Variants in CACNA1I observed in about 807,000 individuals in gnomAD.
The protein encoded by CACNA1I is calcium voltage-gated channel subunit alpha1 I.
In CACNA1I, 74 loss-of-function variants were observed where a neutral mutation model predicts 201.6. The observed-to-expected ratio is 0.37, with a 90% CI of 0.30 to 0.45. CACNA1I has a LOEUF of 0.45. Ranked by LOEUF, CACNA1I falls within the 20% of genes least tolerant of loss-of-function variation. The pLI is 1.00. For missense variants in CACNA1I, 2,346 were observed against 3,138.1 expected, an observed-to-expected ratio of 0.75 and a Z score of 6.03; for synonymous variants, 1,431 against 1,345.2, an observed-to-expected ratio of 1.06 and a Z score of -1.40.
intron 3 of CACNA1I, among the ~76,000 whole-genome samples, chr22:39,602,985 C>T (rs1341574548): frequency 6.6e-6 from 1 of 151,968 alleles, no homozygotes; most frequent in Non-Finnish European, 1.5e-5. Flanking sequence ...GACCCCATCT[C>T]TACAAAAAAT....
Position 39,641,080 on chromosome 22 carries a change from CT to C in CACNA1I, c.955del (p.Trp319GlyfsTer35). 6.2e-7 allele frequency: 1 copy of C among 1,614,050 alleles called. No individual in the cohort carries two copies. Among genetic ancestry groups the C allele is most frequent in the Non-Finnish European group, 8.5e-7 (1 of 1,179,904 alleles). ...TCAATGCCAGCGGCCTCTGTGTCAA[CT>C]GGAACCGTTACTACAATGTGTGCCG... ...DLNASGLCVN[W>X]NRYYNVCRTG... On this transcript the variant is annotated frameshift_variant, in exon 6 of 37. Coordinates refer to ENST00000402142, the MANE Select transcript of CACNA1I (RefSeq NM_021096.4). LOFTEE classifies it high-confidence loss of function.
Position 39,662,294 on chromosome 22 carries a change from C to A in CACNA1I, c.3231C>A (p.His1077Gln). 2 of 1,504,688 alleles carry A rather than the reference C, an allele frequency of 1.3e-6. No individual in the cohort carries two copies. The highest frequency in any genetic ancestry group is 1.8e-6 in the Non-Finnish European group (2 of 1,133,286). The allele number at this position is 1,504,688 out of a possible 1,614,324, so 93.2% of individuals were successfully genotyped here. A position where few individuals can be genotyped will look rare whatever the true frequency, so the allele number is the denominator to read the frequency against. Reference protein sequence around the residue: ...LAELVPAVGAHPRAAWRAAGP... With the variant: ...LAELVPAVGAQPRAAWRAAGP... Reference sequence around the variant, plus strand: ...AGCTGGTGCCCGCGGTGGGCGCCCACCCCCGGGCCGCCTGGAGGGCGGCAG... The same window carrying A: ...AGCTGGTGCCCGCGGTGGGCGCCCAACCCCGGGCCGCCTGGAGGGCGGCAG... The change falls in exon 17 of 37, where the codon CAC (histidine) becomes CAA (glutamine). Residue 1077 changes from histidine to glutamine, a missense_variant. This residue lies in a region of CACNA1I where 288 missense variants were observed against 255.2 expected (regional missense o/e 1.13). Coordinates refer to ENST00000402142, the MANE Select transcript of CACNA1I (RefSeq NM_021096.4).
rs565549342 is a variant in CACNA1I, at chr22:39,639,497, C to T, written c.741-1370C>T. 3.9e-3 allele frequency among the ~76,000 whole-genome samples: 594 copies of T among 152,214 alleles called. 6 individuals are homozygous for T. The highest frequency in any genetic ancestry group is 0.014 in the African/African-American group (574 of 41,514). The stretch of plus-strand genomic sequence containing the variant: ...CATTGCATTTATGCTTTTTAATCCA[C>T]TGGAAGTTTACTGTTTTTAGTTTTA... On this transcript the variant is annotated intron_variant, in intron 5 of 36. Transcript: ENST00000402142.
chr22:39,584,451 G>A (rs1932677730), intron 1 of CACNA1I, among the ~76,000 whole-genome samples: 1 of 152,190 alleles, frequency 6.6e-6, no homozygotes, highest in Non-Finnish European at 1.5e-5. Flanking sequence ...GAGGCCTGGT[G>A]CTCAGCAGTC....
chr22:39,599,491 C>T (rs559482931), intron 2 of CACNA1I, among the ~76,000 whole-genome samples: 1 of 145,244 alleles, frequency 6.9e-6, no homozygotes, highest in Admixed American at 6.8e-5. Flanking sequence ...TAGTGGCGGG[C>T]GCCTGTAGTC....
rs971841313 is a variant in CACNA1I, at chr22:39,640,253, G to A, written c.741-614G>A. Among the ~76,000 whole-genome samples, 60 of 152,178 alleles carry A rather than the reference G, an allele frequency of 3.9e-4. 1 individual carries two copies. Among genetic ancestry groups the A allele is most frequent in the Admixed American group, 3.6e-3 (55 of 15,276 alleles). ...AAAAAACAAAAATTAGCTAGGTATG[G>A]TGGTGTGCACCTATAGTCCTATCTA... On this transcript the variant is annotated intron_variant, in intron 5 of 36. Transcript: ENST00000402142.
chr22:39,666,340 C>T lies in CACNA1I; in HGVS notation c.4104+334C>T, dbSNP rs1260780310. 6.6e-6 allele frequency among the ~76,000 whole-genome samples: 1 copy of T among 152,014 alleles called. No individual in the cohort carries two copies. Among genetic ancestry groups the T allele is most frequent in the African/African-American group, 2.4e-5 (1 of 41,372 alleles). ...CCTGGAGGTGAATCCAGCTCTGCCA[C>T]CTTCTGTAGGTGTGGCCTCCCTGAG... On this transcript the variant is annotated intron_variant, in intron 23 of 36. Coordinates refer to ENST00000402142, the MANE Select transcript of CACNA1I (RefSeq NM_021096.4). The surrounding 1 kb of genome is among the most constrained non-coding windows in gnomAD (Gnocchi z 4.1).
intron 5 of CACNA1I, among the ~76,000 whole-genome samples, chr22:39,637,859 CT>C (rs551014402): frequency 5.1e-4 from 77 of 152,168 alleles, no homozygotes; most frequent in African/African-American, 1.9e-3. Flanking sequence ...TAGGAACTTA[CT>C]TTTTTAAAAA....
In CACNA1I at chr22:39,684,957, T is replaced by C; in HGVS notation, c.6027+459T>C. 3.5e-6 allele frequency: 1 copy of C among 285,868 alleles called. No homozygotes were observed. Among genetic ancestry groups the C allele is most frequent in the Non-Finnish European group, 6.6e-6 (1 of 151,354 alleles). The allele number at this position is 285,868 out of a possible 1,614,324, so 17.7% of individuals were successfully genotyped here. Reference sequence around the variant, plus strand: ...GGGCTGCAGGGTCCCCCGTACTGGATTGGCCAGGGCCACAGCCCTCCTACC... The same window carrying C: ...GGGCTGCAGGGTCCCCCGTACTGGACTGGCCAGGGCCACAGCCCTCCTACC... On this transcript the variant is annotated intron_variant, in intron 36 of 36. Transcript: ENST00000402142. This position sits in a 1 kb window ranked among gnomAD's most constrained non-coding sequence, Gnocchi z 4.6.
At position 39,598,049 on chromosome 22, in the gene CACNA1I, T is replaced by C. The variant is rs1004085779; in HGVS notation, c.237-102T>C. 11 of 685,614 alleles carry C rather than the reference T, an allele frequency of 1.6e-5. No homozygotes were observed. The East Asian group carries it at 2.2e-4, about 14-fold the overall frequency. The allele number at this position is 685,614 out of a possible 1,614,324, so 42.5% of individuals were successfully genotyped here. On this transcript the variant is annotated intron_variant, in intron 1 of 36. Coordinates refer to ENST00000402142, the MANE Select transcript of CACNA1I (RefSeq NM_021096.4). ...AGGGAGAAGAATGAGGAATGGGGTG[T>C]ATGCCTGTGTGTGTGGTGGGTTGCG...
intron 18 of CACNA1I, among the ~76,000 whole-genome samples, chr22:39,663,460 G>A (rs976281679): frequency 6.6e-6 from 1 of 152,170 alleles, no homozygotes; most frequent in African/African-American, 2.4e-5. Flanking sequence ...CCTCCTGACA[G>A]GCTCAGGGAT....
At position 39,648,393 on chromosome 22, in the gene CACNA1I, GCC is replaced by G. The variant is rs199786604; in HGVS notation, c.1567+471_1567+472del. 1.3e-5 allele frequency among the ~76,000 whole-genome samples: 2 copies of G among 152,154 alleles called. No homozygotes were observed. Among genetic ancestry groups the G allele is most frequent in the South Asian group, 2.1e-4 (1 of 4,834 alleles). ...CCAACGGGCTTCCTGCGGCCGCCCA[GCC>G]CCCTCTCCTGGCACTCTTGCCCCCT... On this transcript the variant is annotated intron_variant, in intron 9 of 36. Transcript: ENST00000402142. The surrounding 1 kb of genome is among the most constrained non-coding windows in gnomAD (Gnocchi z 5.4).
At chr22:39,679,494 C>A in intron 32 of CACNA1I, 49 bp downstream of exon 32, 1 of 1,310,480 alleles carries the variant, frequency 7.6e-7, no homozygotes, top group Non-Finnish European at 1.0e-6. Flanking sequence ...GGGGGCACCG[C>A]AGGGCCAGAT....
At chr22:39,647,450 G>T (rs73424202) in intron 8 of CACNA1I, among the ~76,000 whole-genome samples, 1,797 of 152,230 alleles carry the variant, frequency 0.012, 44 homozygotes, top group African/African-American at 0.041. Context: ...GTTAAGACAG[G>T]GTCACCCAGG....
Position 39,677,566 on chromosome 22 carries a change from C to G in CACNA1I, c.4933+147C>G, listed in dbSNP as rs1453540697. ...TGCCTACAGCAGGGCCCTCAGCTGT[C>G]TGGTCTCCCAGGAAAACTGCCCTCC... On this transcript the variant is annotated intron_variant, in intron 30 of 36. Coordinates refer to ENST00000402142, the MANE Select transcript of CACNA1I (RefSeq NM_021096.4). The surrounding 1 kb of genome is among the most constrained non-coding windows in gnomAD (Gnocchi z 4.8). 1.6e-6 allele frequency: 1 copy of G among 639,078 alleles called. No homozygotes were observed. Among genetic ancestry groups the G allele is most frequent in the Non-Finnish European group, 2.6e-6 (1 of 380,084 alleles). 39.6% of individuals were successfully genotyped at this position (639,078 alleles called of 1,614,324 possible). A position where few individuals can be genotyped will look rare whatever the true frequency, so the allele number is the denominator to read the frequency against.
At chr22:39,606,276 C>G (rs552090400) in intron 3 of CACNA1I, among the ~76,000 whole-genome samples, 1 of 152,288 alleles carries the variant, frequency 6.6e-6, no homozygotes, top group Admixed American at 6.5e-5. Flanking sequence ...CATGTTCACT[C>G]TCCAAACCAG....
Position 39,685,777 on chromosome 22 carries a change from C to A in CACNA1I, c.6044C>A (p.Thr2015Lys). The A allele has an allele frequency of 6.7e-7, 1 of 1,491,430 alleles. No individual in the cohort carries two copies. The highest frequency in any genetic ancestry group is 8.9e-7 in the Non-Finnish European group (1 of 1,128,040). The allele number at this position is 1,491,430 out of a possible 1,614,324, so 92.4% of individuals were successfully genotyped here. A position where few individuals can be genotyped will look rare whatever the true frequency, so the allele number is the denominator to read the frequency against. ...TLLRQATGSD[T>K]SLDASPSSSA... ...TCCCCCCAGGCCACCGGGAGCGACA[C>A]GTCGCTGGACGCCAGCCCCAGCAGC... Residue 2015 changes from threonine (T) to lysine (K), a missense_variant, in exon 37 of 37, where the codon ACG becomes AAG. Around this residue, in one of 13 missense-constraint regions of CACNA1I, gnomAD observed 441 missense variants for 555.6 expected, o/e 0.79. Transcript: ENST00000402142. The surrounding 1 kb of genome is among the most constrained non-coding windows in gnomAD (Gnocchi z 5.0).
At chr22:39,633,910 G>A (rs1276951229) in intron 4 of CACNA1I, among the ~76,000 whole-genome samples, 1 of 152,206 alleles carries the variant, frequency 6.6e-6, no homozygotes, top group Non-Finnish European at 1.5e-5. Context: ...CAGTGGGAGT[G>A]GTAGTTCTGG....
In CACNA1I at chr22:39,600,624, C is replaced by T; in HGVS notation, c.453C>T (p.Asn151=). The stretch of plus-strand genomic sequence containing the variant: ...AGTGCTACCTCGGGGACACATGGAA[C>T]CGCCTGGATTTCTTCATCGTCATGG... ...GKKCYLGDTW[N]RLDFFIVMAG... The change falls in exon 3 of 37, where the codon AAC becomes AAT. Residue 151 remains asparagine, a synonymous_variant. Transcript: ENST00000402142. 6.2e-7 allele frequency: 1 copy of T among 1,606,812 alleles called. No homozygotes were observed.
Sources: allele counts gnomAD v4.1 joint callset (sites outside exome capture counted in the v4.1 genomes callset), GRCh38; gene constraint gnomAD v4.1.1; regional missense constraint gnomAD v4.1.1; non-coding constraint Gnocchi (gnomAD v3.1); transcripts MANE v1.5; gene names NCBI Gene and HGNC (gene_info 2026-07-23, HGNC 2026-07-21).